The following NMB variants were observed in gnomAD, a reference collection of about 807,000 sequenced individuals.
NMB encodes neuromedin-B.
A neutral mutation model predicts 11.7 loss-of-function variants in NMB; 12 were observed. The observed-to-expected ratio is 1.03, with a 90% CI of 0.66 to 1.66. The LOEUF (loss-of-function observed/expected upper bound fraction) is 1.66, where lower values mean the gene tolerates loss of function less well. Among genes scored for constraint, NMB ranks in the 40% most tolerant of loss-of-function variants. NMB has a pLI of 0.00. For missense variants in NMB, 174 were observed against 157.9 expected, an observed-to-expected ratio of 1.10 and a Z score of -0.55; for synonymous variants, 76 against 72.6, an observed-to-expected ratio of 1.05 and a Z score of -0.24.
chr15:84,657,866 G>T, intron 1 of NMB, 130 bp downstream of exon 1: 1 of 1,087,644 alleles, frequency 9.2e-7, no homozygotes, highest in Non-Finnish European at 1.2e-6. Context: ...TATTAAATTA[G>T]ATGAGCCCCA....
intron 2 of NMB, among the ~76,000 whole-genome samples, chr15:84,656,823 G>C (rs1164244501): frequency 6.6e-6 from 1 of 152,110 alleles, no homozygotes; most frequent in Non-Finnish European, 1.5e-5. Context: ...GCAGGGAACA[G>C]CATGGGTGGG....
chr15:84,657,965 G>T lies in NMB; in HGVS notation c.157+31C>A, dbSNP rs773128002. ...AAATGGGGTCTGAACTGGATGAGGG[G>T]CGCTTGCTTGCTCCGTCCCCAAAGA... On this transcript the variant is annotated intron_variant, in intron 1 of 2. Coordinates refer to ENST00000360476, the MANE Select transcript of NMB (RefSeq NM_021077.4). 4 of 1,579,774 alleles carry T rather than the reference G, an allele frequency of 2.5e-6. No homozygotes were observed. In the Admixed American group the frequency reaches 7.1e-5, roughly 28 times the overall value.
intron 2 of NMB, 89 bp from the exon 3 acceptor site, chr15:84,655,498 G>A: frequency 1.3e-6 from 2 of 1,536,422 alleles, no homozygotes; most frequent in Non-Finnish European, 8.9e-7. Context: ...CCAGATGTCT[G>A]CAGAGGTGGG....
In NMB at chr15:84,658,098, G is replaced by A. The variant is rs1469824127; in HGVS notation, c.55C>T (p.Leu19=). ...AGCGGGGCGACGCCGGCAGCGAGCA[G>A]GGCGAAGAGCAGGAGGCTGCCGAAC... The part of the protein sequence containing the change: ...RMFGSLLLFA[L]LAAGVAPLSW... Residue 19 remains leucine (L), a synonymous_variant, in exon 1 of 3, where the codon CTG becomes TTG. Coordinates refer to ENST00000360476, the MANE Select transcript of NMB (RefSeq NM_021077.4). 7.6e-6 allele frequency: 12 copies of A among 1,575,258 alleles called. No individual in the cohort carries two copies. Among genetic ancestry groups the A allele is most frequent in the East Asian group, 2.4e-5 (1 of 40,846 alleles).
intron 2 of NMB, among the ~76,000 whole-genome samples, chr15:84,655,882 G>A (rs1183351310): frequency 1.3e-5 from 2 of 152,178 alleles, no homozygotes; most frequent in Non-Finnish European, 2.9e-5. Flanking sequence ...AGGGGCTGCT[G>A]GTTCTGTGCC....
Position 84,657,348 on chromosome 15 carries a change from C to A in NMB, c.158G>T (p.Gly53Val), listed in dbSNP as rs1252213809. The A allele has an allele frequency of 3.7e-5, 56 of 1,503,384 alleles. No individual in the cohort carries two copies. Among genetic ancestry groups the A allele is most frequent in the Non-Finnish European group, 4.8e-5 (54 of 1,125,628 alleles). The allele number at this position is 1,503,384 out of a possible 1,614,324, so 93.1% of individuals were successfully genotyped here. A position where few individuals can be genotyped will look rare whatever the true frequency, so the allele number is the denominator to read the frequency against. Reference sequence around the variant, plus strand: ...CAGACTCTTCTTGCCCATGAAGTGACCTGGAAAGGAGGTGTCCAGGCACAA... The same window carrying A: ...CAGACTCTTCTTGCCCATGAAGTGAACTGGAAAGGAGGTGTCCAGGCACAA... Reference protein sequence around the residue: ...VHSRGNLWATGHFMGKKSLEP... With the variant: ...VHSRGNLWATVHFMGKKSLEP... Residue 53 changes from glycine (G) to valine (V), a missense_variant and splice_region_variant, in exon 2 of 3, where the codon GGT becomes GTT. Around this residue, in one of 2 missense-constraint regions of NMB, gnomAD observed 168 missense variants for 138.4 expected, o/e 1.21. Coordinates refer to ENST00000360476, the MANE Select transcript of NMB (RefSeq NM_021077.4).
chr15:84,656,448 C>T (rs1383033130), intron 2 of NMB, among the ~76,000 whole-genome samples: 1 of 150,944 alleles, frequency 6.6e-6, no homozygotes, highest in East Asian at 1.9e-4. Context: ...GATTTGGGGC[C>T]CTCTCCCCCA....
chr15:84,657,956 G>C (rs1296943183), intron 1 of NMB, 40 bp downstream of exon 1: 5 of 1,569,162 alleles, frequency 3.2e-6, no homozygotes, highest in Non-Finnish European at 4.3e-6. Context: ...GGTCTGAACT[G>C]GATGAGGGGC....
chr15:84,655,427 G>C lies in NMB; in HGVS notation c.331-18C>G. The C allele has an allele frequency of 6.2e-7, 1 of 1,613,324 alleles. No individual in the cohort carries two copies. The highest frequency in any genetic ancestry group is 8.5e-7 in the Non-Finnish European group (1 of 1,179,886). ...CTCCTGTACTGAAGAGAAACATACA[G>C]AAGAATTGAGCCAGGGAGGGGCTCC... is the stretch of plus-strand genomic sequence containing the variant. On this transcript the variant is annotated intron_variant, in intron 2 of 2. Coordinates refer to ENST00000360476, the MANE Select transcript of NMB (RefSeq NM_021077.4).
chr15:84,655,961 T>C (rs1417181244), intron 2 of NMB, among the ~76,000 whole-genome samples: 1 of 152,036 alleles, frequency 6.6e-6, no homozygotes, highest in African/African-American at 2.4e-5. Context: ...CCCTTCAAAA[T>C]GCACACACTA....
intron 2 of NMB, among the ~76,000 whole-genome samples, chr15:84,656,083 C>T (rs1252633596): frequency 1.3e-5 from 2 of 152,178 alleles, no homozygotes; most frequent in Non-Finnish European, 2.9e-5. Flanking sequence ...AGCCAGGCAC[C>T]ATGCTGAGCA....
In NMB at chr15:84,655,322, C is replaced by T; in HGVS notation, c.*52G>A. 1.2e-6 allele frequency: 2 copies of T among 1,614,082 alleles called. No individual in the cohort carries two copies. The highest frequency in any genetic ancestry group is 1.7e-6 in the Non-Finnish European group (2 of 1,179,954). On this transcript the variant is annotated 3_prime_UTR_variant, in exon 3 of 3. Transcript: ENST00000360476. ...CAACAGGGTCCCATTCAGCACCTTC[C>T]CTGGGTGGGCACAATCTAAGCCACG...
chr15:84,658,075 CG>C lies in NMB; in HGVS notation c.77del (p.Pro26ArgfsTer52). 6.3e-7 allele frequency: 1 copy of C among 1,583,476 alleles called. No individual in the cohort carries two copies. Among genetic ancestry groups the C allele is most frequent in the Non-Finnish European group, 8.6e-7 (1 of 1,169,198 alleles). ...GGGGCTCCGGGAGATCCCAGCTGAGCGGGGCGACGCCGGCAGCGAGCAGGGC... is the reference window on the plus strand; with the variant it reads ...GGGGCTCCGGGAGATCCCAGCTGAGCGGGCGACGCCGGCAGCGAGCAGGGC... ...LFALLAAGVA[P>X]LSWDLPEPRS... On this transcript the variant is annotated frameshift_variant, in exon 1 of 3. Coordinates refer to ENST00000360476, the MANE Select transcript of NMB (RefSeq NM_021077.4). LOFTEE classifies it high-confidence loss of function.
At chr15:84,655,541 G>A in intron 2 of NMB, 132 bp from the exon 3 acceptor site, 2 of 1,164,504 alleles carry the variant, frequency 1.7e-6, no homozygotes, top group Non-Finnish European at 2.5e-6. Context: ...GCAGGCCCCA[G>A]AGCACCCTGA....
chr15:84,657,414 C>G, intron 1 of NMB, 66 bp from the exon 2 acceptor site: 1 of 1,346,214 alleles, frequency 7.4e-7, no homozygotes. Context: ...AGGAAAAGTT[C>G]CTCATCTCTC....
At chr15:84,655,545 A>T in intron 2 of NMB, 136 bp from the exon 3 acceptor site, 1 of 1,122,020 alleles carries the variant, frequency 8.9e-7, no homozygotes, top group African/African-American at 1.5e-5. Context: ...GCCCCAGAGC[A>T]CCCTGAATTG....
At position 84,658,102 on chromosome 15, in the gene NMB, G is replaced by C. The variant is rs767400029; in HGVS notation, c.51C>G (p.Phe17Leu). The C allele has an allele frequency of 7.0e-6, 11 of 1,570,464 alleles. No homozygotes were observed. In the African/African-American group the frequency reaches 1.5e-4, roughly 22 times the overall value. ...GGGCGACGCCGGCAGCGAGCAGGGC[G>C]AAGAGCAGGAGGCTGCCGAACATCC... ...GARMFGSLLL[F>L]ALLAAGVAPL... Residue 17 changes from phenylalanine (F) to leucine (L), a missense_variant, in exon 1 of 3, where the codon TTC becomes TTG. This residue lies in a region of NMB where 168 missense variants were observed against 138.4 expected (regional missense o/e 1.21). Coordinates refer to ENST00000360476, the MANE Select transcript of NMB (RefSeq NM_021077.4).
chr15:84,657,894 C>T, intron 1 of NMB, 102 bp downstream of exon 1: 2 of 1,348,660 alleles, frequency 1.5e-6, no homozygotes, highest in Non-Finnish European at 9.8e-7. Flanking sequence ...CCACCTGCTC[C>T]GACACTAGTG....
Position 84,658,134 on chromosome 15 carries a change from C to A in NMB, c.19G>T (p.Gly7Cys). The change falls in exon 1 of 3, where the codon GGC (glycine) becomes TGC (cysteine). Residue 7 changes from glycine (G) to cysteine (C), a missense_variant. Around this residue, in one of 2 missense-constraint regions of NMB, gnomAD observed 168 missense variants for 138.4 expected, o/e 1.21. Transcript: ENST00000360476. ...AGGAGGCTGCCGAACATCCGAGCGCCCCCCGCCCGCCGGGCCATGGCTGTG... is the reference window on the plus strand; with the variant it reads ...AGGAGGCTGCCGAACATCCGAGCGCACCCCGCCCGCCGGGCCATGGCTGTG... Reference protein sequence around the residue: MARRAGGARMFGSLLLF... With the variant: MARRAGCARMFGSLLLF... 1 of 1,511,482 alleles carries A rather than the reference C, an allele frequency of 6.6e-7. No individual in the cohort carries two copies. The highest frequency in any genetic ancestry group is 8.8e-7 in the Non-Finnish European group (1 of 1,138,846). The allele number at this position is 1,511,482 out of a possible 1,614,324, so 93.6% of individuals were successfully genotyped here.
Sources: allele counts gnomAD v4.1 joint callset (sites outside exome capture counted in the v4.1 genomes callset), GRCh38; gene constraint gnomAD v4.1.1; regional missense constraint gnomAD v4.1.1; transcripts MANE v1.5; gene names NCBI Gene and HGNC (gene_info 2026-07-23, HGNC 2026-07-21).